PLD1: variants seen among roughly 807,000 people sequenced by gnomAD.
The protein encoded by PLD1 is choline phosphatase 1.
Under a neutral mutation model 137.1 loss-of-function variants are expected in PLD1, and 112 were observed. The observed-to-expected ratio is 0.82, with a 90% confidence interval of 0.70 to 0.96. The LOEUF (loss-of-function observed/expected upper bound fraction) is 0.96, where lower values mean the gene tolerates loss of function less well. PLD1 is among the 40% of genes least tolerant of loss of function. PLD1 has a pLI of 0.00. For synonymous variants in PLD1, 431 were observed against 454.7 expected (o/e 0.95, Z 0.66); for missense variants, 1,321 against 1,342.0 (o/e 0.98, Z 0.24).
intron 1 of PLD1, among the ~76,000 whole-genome samples, chr3:171,785,121 CT>C (rs748451521): frequency 1.3e-5 from 2 of 152,130 alleles, no homozygotes; most frequent in Non-Finnish European, 2.9e-5. Flanking sequence ...CCAAAGTATC[CT>C]TTGAAATGTT....
chr3:171,749,112 G>A (rs1186062708), intron 1 of PLD1, among the ~76,000 whole-genome samples: 1 of 152,056 alleles, frequency 6.6e-6, no homozygotes, highest in African/African-American at 2.4e-5. Context: ...ATTGTTTTAA[G>A]AAAAGATTTA....
chr3:171,703,959 G>A (rs1024349794), intron 11 of PLD1, among the ~76,000 whole-genome samples: 1 of 152,158 alleles, frequency 6.6e-6, no homozygotes, highest in African/African-American at 2.4e-5. Flanking sequence ...CTGGACATGG[G>A]TGCCATCAGA....
intron 25 of PLD1, chr3:171,611,646 A>T (rs769114655): frequency 1.9e-6 from 1 of 518,714 alleles, no homozygotes. Context: ...TGAAAACAGA[A>T]GTTTCCACAT....
intron 1 of PLD1, among the ~76,000 whole-genome samples, chr3:171,761,274 C>T (rs1721373892): frequency 6.6e-6 from 1 of 152,104 alleles, no homozygotes; most frequent in South Asian, 2.1e-4. Context: ...CATGGCAAGT[C>T]ACTCACTTTC....
intron 1 of PLD1, among the ~76,000 whole-genome samples, chr3:171,773,477 C>T (rs559333029): frequency 4.3e-4 from 65 of 152,126 alleles, no homozygotes; most frequent in Non-Finnish European, 7.1e-4. Flanking sequence ...AGTAGTGCAC[C>T]TATAATCCCA....
In PLD1 at chr3:171,687,570, C is replaced by T. The variant is rs1452690229; in HGVS notation, c.1554G>A (p.Glu518=). The T allele has an allele frequency of 1.9e-6, 3 of 1,612,956 alleles. No individual in the cohort carries two copies. Among genetic ancestry groups the T allele is most frequent in the South Asian group, 2.2e-5 (2 of 90,924 alleles). ...SLGSLPPAAM[E]SMESLRLKDK... is the part of the protein sequence containing the mutation. ...CTTTGAGTCTTAAGGATTCCATAGA[C>T]TCCATTGCGGCAGGCTGAGAAAAAT... Residue 518 remains glutamate (E), a synonymous_variant, in exon 15 of 27, where the codon GAG becomes GAA. Transcript: ENST00000351298.
chr3:171,669,074 C>T (rs1175781117), intron 19 of PLD1, among the ~76,000 whole-genome samples: 1 of 152,150 alleles, frequency 6.6e-6, no homozygotes, highest in Non-Finnish European at 1.5e-5. Flanking sequence ...CTGAAGTCAG[C>T]TGTCAGGTCT....
chr3:171,746,156 G>A (rs566420950), intron 1 of PLD1, among the ~76,000 whole-genome samples: 18 of 152,286 alleles, frequency 1.2e-4, no homozygotes, highest in African/African-American at 3.8e-4. Context: ...TGCCATGCCC[G>A]AGCCCCTCCC....
chr3:171,674,114 A>C (rs981540056), intron 19 of PLD1, among the ~76,000 whole-genome samples: 2 of 152,232 alleles, frequency 1.3e-5, no homozygotes, highest in African/African-American at 4.8e-5. Context: ...ACATTTGGTT[A>C]ATCAGGAACT....
At chr3:171,648,964 T>A (rs1050988996) in intron 21 of PLD1, among the ~76,000 whole-genome samples, 1 of 152,238 alleles carries the variant, frequency 6.6e-6, no homozygotes, top group Non-Finnish European at 1.5e-5. Context: ...TCTAATTTTT[T>A]TTCTATTTCA....
chr3:171,781,207 AAT>A (rs1283476745), intron 1 of PLD1, among the ~76,000 whole-genome samples: 1 of 150,098 alleles, frequency 6.7e-6, no homozygotes, highest in Non-Finnish European at 1.5e-5. Flanking sequence ...AGAAAAATCC[AAT>A]AGAGAAAAAA....
intron 8 of PLD1, chr3:171,721,639 G>A (rs116587397): frequency 3.3e-5 from 5 of 152,194 alleles, no homozygotes; most frequent in Non-Finnish European, 2.9e-5. Flanking sequence ...CAAAGTTAAC[G>A]ACTAGGGAGG....
At chr3:171,615,828 G>A (rs1733056699) in intron 24 of PLD1, among the ~76,000 whole-genome samples, 1 of 152,332 alleles carries the variant, frequency 6.6e-6, no homozygotes, top group South Asian at 2.1e-4. Flanking sequence ...CTACATAGCT[G>A]AGTATTTGTT....
chr3:171,648,996 C>G (rs1006728858), intron 21 of PLD1, among the ~76,000 whole-genome samples: 1 of 152,058 alleles, frequency 6.6e-6, no homozygotes, highest in South Asian at 2.1e-4. Context: ...TTGATATTTA[C>G]GCTGACTAAC....
chr3:171,673,638 T>A (rs1713026944), intron 19 of PLD1, among the ~76,000 whole-genome samples: 1 of 152,136 alleles, frequency 6.6e-6, no homozygotes, highest in African/African-American at 2.4e-5. Flanking sequence ...TACACATACC[T>A]CCAATTGCAC....
At chr3:171,780,202 C>T (rs1262155430) in intron 1 of PLD1, among the ~76,000 whole-genome samples, 2 of 150,058 alleles carry the variant, frequency 1.3e-5, no homozygotes, top group Admixed American at 1.3e-4. Context: ...ATACATAAGT[C>T]TGAGATTCAG....
rs1034144583 is a variant in PLD1 at position 171,626,520 on chromosome 3, C to A, written c.2594-6000G>T. On this transcript the variant is annotated intron_variant, in intron 23 of 26. Coordinates refer to ENST00000351298, the MANE Select transcript of PLD1 (RefSeq NM_002662.5). ...CAGAGAACGCCACAAAGATACTCCT[C>A]GAGAAGAGCAACTCCAAGGCACATA... 3.8e-4 allele frequency among the ~76,000 whole-genome samples: 58 copies of A among 152,130 alleles called. 1 individual carries two copies. The highest frequency in any genetic ancestry group is 1.4e-3 in the African/African-American group (57 of 41,478).
At chr3:171,730,646 CT>C (rs35101789) in intron 6 of PLD1, among the ~76,000 whole-genome samples, 80 of 134,806 alleles carry the variant, frequency 5.9e-4, no homozygotes, top group Middle Eastern at 3.6e-3. Context: ...TCTATCTCCA[CT>C]TTTTTTTTTT....
chr3:171,732,633 C>T (rs1719032463), intron 6 of PLD1, among the ~76,000 whole-genome samples: 1 of 152,192 alleles, frequency 6.6e-6, no homozygotes, highest in Admixed American at 6.5e-5. Context: ...GCGGACAAAT[C>T]ACAATTGCAC....
Sources: allele counts gnomAD v4.1 joint callset (sites outside exome capture counted in the v4.1 genomes callset), GRCh38; gene constraint gnomAD v4.1.1; transcripts MANE v1.5; gene names NCBI Gene and HGNC (gene_info 2026-07-23, HGNC 2026-07-21).